Variants in PCDHA1 observed in about 807,000 individuals in gnomAD.
The protein encoded by PCDHA1 is protocadherin alpha 1.
A neutral mutation model predicts 61.3 loss-of-function variants in PCDHA1; 42 were observed. The ratio of observed to expected loss-of-function variants is 0.69; its 90% CI spans 0.54 to 0.89. The LOEUF is 0.89. Among genes scored for constraint, PCDHA1 ranks in the 40% least tolerant of loss-of-function variants. The probability of loss-of-function intolerance (pLI) is 0.00; values close to 1 mark genes in which losing one functional copy is unlikely to be tolerated. For synonymous variants in PCDHA1, 610 were observed against 553.8 expected, an observed-to-expected ratio of 1.10 and a Z score of -1.43; for missense variants, 1,256 against 1,235.3, an observed-to-expected ratio of 1.02 and a Z score of -0.25.
intron 1 of PCDHA1, among the ~76,000 whole-genome samples, chr5:140,855,480 A>G (rs567213059): frequency 6.7e-6 from 1 of 149,976 alleles, no homozygotes; most frequent in South Asian, 2.1e-4. Context: ...GATGCTTGAC[A>G]TTAGTGTCTA....
intron 1 of PCDHA1, chr5:140,929,422 T>C: frequency 1.3e-6 from 2 of 1,500,730 alleles, no homozygotes; most frequent in Non-Finnish European, 1.8e-6. Context: ...CAACATTTCA[T>C]CAATTGAACT....
intron 1 of PCDHA1, chr5:140,802,326 C>T: frequency 6.2e-7 from 1 of 1,614,230 alleles, no homozygotes; most frequent in Non-Finnish European, 8.5e-7. Context: ...CGTGTCCGAC[C>T]GCGACTCAGG....
intron 1 of PCDHA1, chr5:140,803,268 G>C (rs1763159732): frequency 2.5e-6 from 4 of 1,614,012 alleles, no homozygotes; most frequent in Non-Finnish European, 3.4e-6. Flanking sequence ...GGGCCCGGAA[G>C]CTGCACTGGT....
At chr5:140,820,237 T>A (rs2150106337) in intron 1 of PCDHA1, among the ~76,000 whole-genome samples, 8,891 of 152,012 alleles carry the variant, frequency 0.058, 861 homozygotes, top group African/African-American at 0.2. Flanking sequence ...ATAATAGAGA[T>A]AGTAAAAATC....
At chr5:140,884,509 T>C (rs781917095) in intron 1 of PCDHA1, 3 of 1,612,704 alleles carry the variant, frequency 1.9e-6, no homozygotes, top group Non-Finnish European at 1.7e-6. Flanking sequence ...CGGCAGGGAG[T>C]TGGTCGTACT....
intron 1 of PCDHA1, chr5:140,812,839 T>G (rs2126642173): frequency 6.6e-6 from 1 of 152,366 alleles, no homozygotes; most frequent in East Asian, 1.9e-4. Flanking sequence ...TTGTTTATCT[T>G]AACATATTTT....
rs2098421681 is a variant in PCDHA1, at chr5:141,011,735, A to C, written c.*1798A>C. 1 of 153,882 alleles carries C rather than the reference A, an allele frequency of 6.5e-6. No individual in the cohort carries two copies. Among genetic ancestry groups the C allele is most frequent in the South Asian group, 2.1e-4 (1 of 4,828 alleles). 9.5% of individuals were successfully genotyped at this position (153,882 alleles called of 1,614,324 possible). A position where few individuals can be genotyped will look rare whatever the true frequency, so the allele number is the denominator to read the frequency against. ...TATTCCATGAGGGTGTGCAAGCACA[A>C]ATTTTACCAATCTGACCTCTTTGAA... On this transcript the variant is annotated 3_prime_UTR_variant, in exon 4 of 4. Transcript: ENST00000504120.
intron 1 of PCDHA1, chr5:140,882,349 T>TC (rs1396642305): frequency 5.0e-6 from 8 of 1,613,872 alleles, no homozygotes; most frequent in Non-Finnish European, 6.8e-6. Context: ...GGGAGACGGG[T>TC]AGTGGCCAGC....
chr5:141,010,255 C>T lies in PCDHA1; in HGVS notation c.*318C>T. The T allele has an allele frequency of 6.4e-7, 1 of 1,551,816 alleles. No homozygotes were observed. Among genetic ancestry groups the T allele is most frequent in the Non-Finnish European group, 8.7e-7 (1 of 1,147,020 alleles). ...CCAGTGAGAGGTTGGACTCTCTGCC[C>T]TGTGCTCCGGGGATCCTGTCTTGAT... is the stretch of plus-strand genomic sequence containing the variant. On this transcript the variant is annotated 3_prime_UTR_variant, in exon 4 of 4. Coordinates refer to ENST00000504120, the MANE Select transcript of PCDHA1 (RefSeq NM_018900.4).
At chr5:140,916,978 C>T (rs907014572) in intron 1 of PCDHA1, among the ~76,000 whole-genome samples, 13 of 152,270 alleles carry the variant, frequency 8.5e-5, no homozygotes, top group South Asian at 2.1e-4. Context: ...ATGAGTGATT[C>T]GCCTCTGGCC....
chr5:140,966,410 A>G lies in PCDHA1; in HGVS notation c.2395-12539A>G, dbSNP rs530944149. The G allele has an allele frequency of 1.9e-3, 807 of 419,248 alleles. 2 individuals carry two copies. Among genetic ancestry groups the G allele is most frequent in the South Asian group, 7.3e-3 (70 of 9,536 alleles). The allele number at this position is 419,248 out of a possible 1,614,324, so 26.0% of individuals were successfully genotyped here. The stretch of plus-strand genomic sequence containing the variant: ...GTCCGCCACTTCGGCGCGGAATCAG[A>G]GCAGGACTTGCTGAGCCCTCCTACC... On this transcript the variant is annotated intron_variant, in intron 1 of 3. Coordinates refer to ENST00000504120, the MANE Select transcript of PCDHA1 (RefSeq NM_018900.4).
intron 1 of PCDHA1, chr5:140,884,365 CT>C (rs1264541175): frequency 6.2e-7 from 1 of 1,613,846 alleles, no homozygotes; most frequent in Non-Finnish European, 8.5e-7. Context: ...TCAATGTTTA[CT>C]TGATCATTGC....
chr5:140,792,639 A>G (rs1161915423), intron 1 of PCDHA1, among the ~76,000 whole-genome samples: 1 of 152,216 alleles, frequency 6.6e-6, no homozygotes, highest in Non-Finnish European at 1.5e-5. Flanking sequence ...CACATATGTC[A>G]TTCTGAATAT....
At chr5:140,860,557 G>C (rs146943384) in intron 1 of PCDHA1, 1 of 152,036 alleles carries the variant, frequency 6.6e-6, no homozygotes, top group African/African-American at 2.4e-5. Context: ...CTTTGAAGAG[G>C]TACTGATCAT....
rs2150498276 is a variant in PCDHA1, at chr5:140,850,785, A to C, written c.2394+62101A>C. The C allele has an allele frequency of 0.62, 994,993 of 1,596,634 alleles. 342,814 individuals carry two copies. Among genetic ancestry groups the C allele is most frequent in the African/African-American group, 0.72 (53,321 of 73,960 alleles). Reference sequence around the variant, plus strand: ...GCAGAGGGTGTGCTCTGGCGAGGGTAAGCAGAAGACCGACCTCATGGCCTT... The same window carrying C: ...GCAGAGGGTGTGCTCTGGCGAGGGTCAGCAGAAGACCGACCTCATGGCCTT... On this transcript the variant is annotated intron_variant, in intron 1 of 3. Coordinates refer to ENST00000504120, the MANE Select transcript of PCDHA1 (RefSeq NM_018900.4).
chr5:140,891,123 T>G (rs2153433075), intron 1 of PCDHA1, among the ~76,000 whole-genome samples: 1 of 152,342 alleles, frequency 6.6e-6, no homozygotes, highest in East Asian at 1.9e-4. Context: ...AATCTAAATG[T>G]CATTCCTTTA....
intron 1 of PCDHA1, chr5:140,824,158 C>T (rs2150132728): frequency 6.2e-7 from 1 of 1,611,212 alleles, no homozygotes. Context: ...ATCCATCTTT[C>T]CCTCCCAATT....
At chr5:140,929,015 A>C (rs1563111690) in intron 1 of PCDHA1, 3 of 1,614,016 alleles carry the variant, frequency 1.9e-6, no homozygotes, top group African/African-American at 1.3e-5. Flanking sequence ...ACCAAGTTGC[A>C]CCAGAGCCCA....
chr5:140,925,503 C>T (rs1210013790), intron 1 of PCDHA1, among the ~76,000 whole-genome samples: 1 of 151,978 alleles, frequency 6.6e-6, no homozygotes, highest in Non-Finnish European at 1.5e-5. Context: ...TCCCAATATC[C>T]ACGCAAAAGA....
Sources: gnomAD v4.1 joint callset for allele counts (sites outside exome capture counted in the v4.1 genomes callset) on GRCh38, gnomAD v4.1.1 for gene constraint, MANE v1.5 for transcripts, NCBI Gene and HGNC (gene_info 2026-07-23, HGNC 2026-07-21) for gene names.